The following GCNT2 variants were observed in gnomAD, a reference collection of about 807,000 sequenced individuals.
GCNT2 encodes the protein N-acetyllactosaminide beta-1,6-N-acetylglucosaminyl-transferase.
A neutral mutation model predicts 34.2 loss-of-function variants in GCNT2; 34 were observed. That is an observed-to-expected ratio of 1.00 (90% CI 0.76 to 1.32). The LOEUF (loss-of-function observed/expected upper bound fraction) is 1.32. Ranked by LOEUF, GCNT2 falls within the 40% of genes most tolerant of loss-of-function variation. The pLI is 0.00. For synonymous variants in GCNT2, 212 were observed against 188.0 expected, an observed-to-expected ratio of 1.13 and a Z score of -1.04; for missense variants, 584 against 489.4, an observed-to-expected ratio of 1.19 and a Z score of -1.82.
chr6:10,611,822 A>G (rs1765569541), intron 3 of GCNT2, among the ~76,000 whole-genome samples: 2 of 152,246 alleles, frequency 1.3e-5, no homozygotes, highest in South Asian at 2.1e-4. Flanking sequence ...ATGTATATCA[A>G]TAAACTTTTG....
At chr6:10,589,145 TGTG>T (rs1747276097) in intron 3 of GCNT2, among the ~76,000 whole-genome samples, 2 of 136,282 alleles carry the variant, frequency 1.5e-5, no homozygotes, top group Non-Finnish European at 3.2e-5. Context: ...GGTTATGTGG[TGTG>T]GGTGTGTGTG....
At chr6:10,596,293 G>A (rs1420229691) in intron 3 of GCNT2, among the ~76,000 whole-genome samples, 1 of 152,118 alleles carries the variant, frequency 6.6e-6, no homozygotes, top group Admixed American at 6.6e-5. Flanking sequence ...GGAGGCCTAG[G>A]CGGGTGGATC....
At chr6:10,522,042 C>A (rs368148684) in intron 1 of GCNT2, among the ~76,000 whole-genome samples, 1 of 152,106 alleles carries the variant, frequency 6.6e-6, no homozygotes, top group African/African-American at 2.4e-5. Flanking sequence ...CATGCACAAC[C>A]AAGCCCGGCT....
chr6:10,537,717 AAAAAAAAAAC>A lies in GCNT2; in HGVS notation c.925+7886_925+7895del, dbSNP rs1176812500. Reference sequence around the variant, plus strand: ...CTGCCGCAAAAAAAAAAAAAAAAAAAAAAAAAAAACAAAACAAAGAAAACGAAAGAAAATG... The same window carrying A: ...CTGCCGCAAAAAAAAAAAAAAAAAAAAAAACAAAGAAAACGAAAGAAAATG... On this transcript the variant is annotated intron_variant, in intron 3 of 4. Coordinates refer to ENST00000495262, the MANE Select transcript of GCNT2 (RefSeq NM_145649.5). Among the ~76,000 whole-genome samples the A allele has an allele frequency of 7.6e-4, 111 of 146,684 alleles. 2 individuals carry two copies. The highest frequency in any genetic ancestry group is 2.7e-3 in the African/African-American group (104 of 38,800).
At chr6:10,580,502 G>A (rs1403307162) in intron 3 of GCNT2, among the ~76,000 whole-genome samples, 3 of 152,028 alleles carry the variant, frequency 2.0e-5, no homozygotes, top group East Asian at 1.9e-4. Context: ...CCTGCATCTC[G>A]CTTGTGGCCA....
intron 3 of GCNT2, among the ~76,000 whole-genome samples, chr6:10,616,330 C>G (rs1207623373): frequency 1.3e-5 from 2 of 152,168 alleles, no homozygotes; most frequent in Non-Finnish European, 2.9e-5. Flanking sequence ...GTAAGCAGTA[C>G]AAAGATTTAT....
At chr6:10,608,538 AT>A (rs1288248045) in intron 3 of GCNT2, among the ~76,000 whole-genome samples, 1 of 152,184 alleles carries the variant, frequency 6.6e-6, no homozygotes, top group Admixed American at 6.5e-5. Flanking sequence ...CTTGATAAGT[AT>A]AAAAAGAGGA....
At chr6:10,551,253 T>G (rs1223421891) in intron 3 of GCNT2, among the ~76,000 whole-genome samples, 1 of 152,040 alleles carries the variant, frequency 6.6e-6, no homozygotes, top group Non-Finnish European at 1.5e-5. Context: ...TCATTCAGCA[T>G]CCAGGAAGTG....
intron 3 of GCNT2, among the ~76,000 whole-genome samples, chr6:10,584,764 C>T (rs1303547087): frequency 2.0e-5 from 3 of 152,204 alleles, no homozygotes; most frequent in Non-Finnish European, 4.4e-5. Context: ...TGATTCAATA[C>T]AGCACATGTT....
intron 3 of GCNT2, among the ~76,000 whole-genome samples, chr6:10,565,387 GAA>G (rs1763230129): frequency 1.2e-5 from 1 of 84,768 alleles, no homozygotes; most frequent in Non-Finnish European, 2.7e-5. Flanking sequence ...GGGATCAAGG[GAA>G]AGCAGAGGGA....
chr6:10,575,908 C>T (rs594915), intron 3 of GCNT2, among the ~76,000 whole-genome samples: 4,448 of 151,730 alleles, frequency 0.029, 195 homozygotes, highest in African/African-American at 0.098. Context: ...TTTTCCTTTA[C>T]CTACCCAAAT....
intron 4 of GCNT2, chr6:10,621,779 A>C: frequency 2.8e-6 from 1 of 354,064 alleles, no homozygotes; most frequent in South Asian, 2.2e-5. Flanking sequence ...GCATGAATGC[A>C]GCTCACTGCA....
At chr6:10,575,848 T>C (rs1156694192) in intron 3 of GCNT2, among the ~76,000 whole-genome samples, 1 of 152,068 alleles carries the variant, frequency 6.6e-6, no homozygotes, top group Non-Finnish European at 1.5e-5. Context: ...ACTGAGCACC[T>C]TGCGACCCCC....
At position 10,586,077 on chromosome 6, in the gene GCNT2, C is replaced by G. The variant is rs1208859490; in HGVS notation, c.926-35274C>G. The G allele has an allele frequency of 3.7e-6, 6 of 1,613,954 alleles. No homozygotes were observed. The African/African-American group carries it at 6.7e-5, about 18-fold the overall frequency. Reference sequence around the variant, plus strand: ...ATTTTACAGTAGCCAATTGAGCCCGCCAAAAAGTTATGAGAAGCTGAACAG... The same window carrying G: ...ATTTTACAGTAGCCAATTGAGCCCGGCAAAAAGTTATGAGAAGCTGAACAG... On this transcript the variant is annotated intron_variant, in intron 3 of 4. Transcript: ENST00000495262.
At chr6:10,549,576 T>C (rs1403621647) in intron 3 of GCNT2, among the ~76,000 whole-genome samples, 4 of 141,748 alleles carry the variant, frequency 2.8e-5, no homozygotes, top group African/African-American at 1.1e-4. Flanking sequence ...TTTTTTTTTT[T>C]TTTTTTTTTT....
At chr6:10,619,960 ACT>A (rs1330181582) in intron 3 of GCNT2, among the ~76,000 whole-genome samples, 2 of 152,020 alleles carry the variant, frequency 1.3e-5, no homozygotes, top group African/African-American at 4.8e-5. Context: ...ACATCGTGTC[ACT>A]CTGTCCAGCT....
intron 3 of GCNT2, chr6:10,586,599 G>C: frequency 6.2e-7 from 1 of 1,614,172 alleles, no homozygotes; most frequent in Non-Finnish European, 8.5e-7. Context: ...CCGGGAGATA[G>C]TTCAGCATCT....
intron 3 of GCNT2, among the ~76,000 whole-genome samples, chr6:10,602,401 G>A (rs1765125819): frequency 6.6e-6 from 1 of 152,150 alleles, no homozygotes; most frequent in Non-Finnish European, 1.5e-5. Flanking sequence ...CGGAAGCCCA[G>A]GGCTTTTCAT....
intron 3 of GCNT2, among the ~76,000 whole-genome samples, chr6:10,599,940 A>G (rs1193271653): frequency 6.6e-6 from 1 of 152,222 alleles, no homozygotes; most frequent in Admixed American, 6.5e-5. Flanking sequence ...CAGGAATAAC[A>G]GAATGATTTT....
Sources: allele counts gnomAD v4.1 joint callset (sites outside exome capture counted in the v4.1 genomes callset), GRCh38; gene constraint gnomAD v4.1.1; transcripts MANE v1.5; gene names NCBI Gene and HGNC (gene_info 2026-07-23, HGNC 2026-07-21).